ATF7IP2: variants seen among roughly 807,000 people sequenced by gnomAD.
The protein encoded by ATF7IP2 is activating transcription factor 7-interacting protein 2.
Under a neutral mutation model 64.2 loss-of-function variants are expected in ATF7IP2, and 42 were observed. That is an observed-to-expected ratio of 0.65 (90% confidence interval 0.51 to 0.85). The LOEUF (loss-of-function observed/expected upper bound fraction) is 0.85, where lower values mean the gene tolerates loss of function less well. Among genes scored for constraint, ATF7IP2 ranks in the 40% least tolerant of loss-of-function variants. ATF7IP2 has a pLI of 0.00. For missense variants in ATF7IP2, 933 were observed against 784.2 expected (o/e 1.19, Z -2.27); for synonymous variants, 308 against 272.8 (o/e 1.13, Z -1.27).
chr16:10,473,260 T>C (rs539470429), intron 10 of ATF7IP2, among the ~76,000 whole-genome samples: 1 of 152,336 alleles, frequency 6.6e-6, no homozygotes, highest in Non-Finnish European at 1.5e-5. Context: ...ACTAATATAG[T>C]TGCAAAGTTA....
intron 8 of ATF7IP2, among the ~76,000 whole-genome samples, chr16:10,444,374 G>A (rs1486159086): frequency 6.6e-6 from 1 of 152,096 alleles, no homozygotes; most frequent in African/African-American, 2.4e-5. Context: ...TCAGTGGTTA[G>A]GGGCACTAGA....
chr16:10,440,300 C>G (rs779541639), intron 7 of ATF7IP2, 64 bp from the exon 8 acceptor site: 38 of 747,806 alleles, frequency 5.1e-5, no homozygotes, highest in Non-Finnish European at 7.7e-5. Flanking sequence ...ATAATTTACC[C>G]TCTATCTCTA....
intron 3 of ATF7IP2, among the ~76,000 whole-genome samples, chr16:10,421,609 A>C (rs1245111759): frequency 6.6e-6 from 1 of 152,224 alleles, no homozygotes; most frequent in Non-Finnish European, 1.5e-5. Flanking sequence ...AAGGAGTAGT[A>C]GTCTGAATTT....
chr16:10,443,435 G>C (rs573370042), intron 8 of ATF7IP2, among the ~76,000 whole-genome samples: 1 of 152,126 alleles, frequency 6.6e-6, no homozygotes, highest in Non-Finnish European at 1.5e-5. Flanking sequence ...ACACCCAGTC[G>C]ATTTGAAGGC....
chr16:10,426,892 G>C (rs1020937067), intron 3 of ATF7IP2, among the ~76,000 whole-genome samples: 1 of 151,740 alleles, frequency 6.6e-6, no homozygotes, highest in Admixed American at 6.6e-5. Flanking sequence ...CCACTCTGTT[G>C]TCCAGGCTGA....
chr16:10,442,623 G>A (rs941014758), intron 8 of ATF7IP2, among the ~76,000 whole-genome samples: 1 of 152,176 alleles, frequency 6.6e-6, no homozygotes, highest in African/African-American at 2.4e-5. Flanking sequence ...TAACTCATTA[G>A]ATAAGGAGGT....
chr16:10,438,154 TAAG>T lies in ATF7IP2; in HGVS notation c.1017_1019del (p.Lys340del). 1 of 1,601,820 alleles carries T rather than the reference TAAG, an allele frequency of 6.2e-7. No individual in the cohort carries two copies. The highest frequency in any genetic ancestry group is 8.5e-7 in the Non-Finnish European group (1 of 1,174,820). ...ATAGCATAAATTATGAACTATTTGA[TAAG>T]AAACTGAAAGAATTGAACCAACGCA... On this transcript the variant is annotated inframe_deletion, in exon 7 of 14. Coordinates refer to ENST00000562102, the MANE Select transcript of ATF7IP2 (RefSeq NM_001393719.1).
intron 3 of ATF7IP2, among the ~76,000 whole-genome samples, chr16:10,425,157 C>G (rs2048059602): frequency 6.7e-6 from 1 of 149,136 alleles, no homozygotes. Flanking sequence ...CTCCCGGGTT[C>G]AAGCGATTAT....
At chr16:10,439,833 C>T (rs1387539833) in intron 7 of ATF7IP2, among the ~76,000 whole-genome samples, 1 of 151,544 alleles carries the variant, frequency 6.6e-6, no homozygotes, top group East Asian at 2.0e-4. Flanking sequence ...TGCGCCCGGC[C>T]GAAGTTTGAG....
intron 9 of ATF7IP2, among the ~76,000 whole-genome samples, chr16:10,463,973 T>G (rs7204815): frequency 0.46 from 70,299 of 151,914 alleles, 17,067 homozygotes; most frequent in East Asian, 0.56. Flanking sequence ...CCCTCTGTGA[T>G]TTCAGTCAGT....
At chr16:10,450,026 T>C (rs1437454088) in intron 8 of ATF7IP2, among the ~76,000 whole-genome samples, 4 of 152,194 alleles carry the variant, frequency 2.6e-5, no homozygotes, top group African/African-American at 7.2e-5. Flanking sequence ...GTGTCTTTGG[T>C]CCCATTGGTT....
At chr16:10,477,862 GACAA>G (rs1489194163) in intron 12 of ATF7IP2, among the ~76,000 whole-genome samples, 4 of 151,146 alleles carry the variant, frequency 2.6e-5, no homozygotes, top group East Asian at 1.9e-4. Flanking sequence ...ACCAATAACA[GACAA>G]ACAGAGAGCC....
rs141465971 is a variant in ATF7IP2, at chr16:10,398,912, A to G, written c.-242+12790A>G. Among the ~76,000 whole-genome samples the G allele has an allele frequency of 2.0e-5, 3 of 152,276 alleles. No individual in the cohort carries two copies. The East Asian group carries it at 5.8e-4, about 29-fold the overall frequency. The stretch of plus-strand genomic sequence containing the variant: ...GCAGATCACCTGAGGTCAGGAGTTC[A>G]AGACCAGCCTGACCAACCTGGAGAA... On this transcript the variant is annotated intron_variant, in intron 1 of 13. Coordinates refer to ENST00000562102, the MANE Select transcript of ATF7IP2 (RefSeq NM_001393719.1).
At position 10,430,841 on chromosome 16, in the gene ATF7IP2, C is replaced by A. The variant is rs745848643; in HGVS notation, c.221C>A (p.Ala74Glu). 4 of 1,613,720 alleles carry A rather than the reference C, an allele frequency of 2.5e-6. No homozygotes were observed. Among genetic ancestry groups the A allele is most frequent in the Non-Finnish European group, 3.4e-6 (4 of 1,179,772 alleles). The stretch of plus-strand genomic sequence containing the variant: ...AAATGTAGCCCTTCTGAAAATGGTG[C>A]ATCCTCATTGGACTCTAATAAAAAT... ...ITKCSPSENG[A>E]SSLDSNKNSI... is the part of the protein sequence containing the mutation. The change falls in exon 5 of 14, where the codon GCA (alanine) becomes GAA (glutamate). Residue 74 changes from alanine to glutamate, a missense_variant. By Grantham distance (107) the Ala-to-Glu change is moderately radical (BLOSUM62 -1). Transcript: ENST00000562102.
At chr16:10,407,102 A>G (rs887058797) in intron 1 of ATF7IP2, among the ~76,000 whole-genome samples, 1 of 152,248 alleles carries the variant, frequency 6.6e-6, no homozygotes, top group African/African-American at 2.4e-5. Flanking sequence ...GTGATACATT[A>G]TATCAACAAA....
chr16:10,481,845 T>C lies in ATF7IP2; in HGVS notation c.1645T>C (p.Ser549Pro), dbSNP rs1032786290. ...LAQNAVQVPE[S>P]FEHLPPLPEP... ...ACAATTGTGTTTTTAGGTTCCTGAG[T>C]CCTTTGAGCACCTGCCACCTCTCCC... The change falls in exon 14 of 14, where the codon TCC becomes CCC. Residue 549 changes from serine (S) to proline (P), a missense_variant. Ser to Pro is a moderately conservative substitution (Grantham distance 74). Coordinates refer to ENST00000562102, the MANE Select transcript of ATF7IP2 (RefSeq NM_001393719.1). 1 of 1,580,410 alleles carries C rather than the reference T, an allele frequency of 6.3e-7. No homozygotes were observed. The highest frequency in any genetic ancestry group is 1.4e-5 in the African/African-American group (1 of 73,046).
At chr16:10,425,054 A>ATT (rs59143669) in intron 3 of ATF7IP2, among the ~76,000 whole-genome samples, 40 of 132,188 alleles carry the variant, frequency 3.0e-4, no homozygotes, top group East Asian at 2.2e-3. Flanking sequence ...TTTATATCAG[A>ATT]TTTTTTTTTT....
chr16:10,441,755 C>A (rs1042071530), intron 8 of ATF7IP2, among the ~76,000 whole-genome samples: 3 of 152,168 alleles, frequency 2.0e-5, no homozygotes, highest in Non-Finnish European at 2.9e-5. Flanking sequence ...TTAATTAGAT[C>A]CCATTTGTCA....
At chr16:10,475,692 CAAAA>C (rs113253742) in intron 12 of ATF7IP2, among the ~76,000 whole-genome samples, 1 of 26,186 alleles carries the variant, frequency 3.8e-5, no homozygotes, top group Non-Finnish European at 1.1e-4. Context: ...AACTCCGTCT[CAAAA>C]AAAAAAAACC....
Sources: allele counts gnomAD v4.1 joint callset (sites outside exome capture counted in the v4.1 genomes callset), GRCh38; gene constraint gnomAD v4.1.1; transcripts MANE v1.5; gene names NCBI Gene and HGNC (gene_info 2026-07-23, HGNC 2026-07-21).